The following NELL1 variants were observed in gnomAD, a reference collection of about 807,000 sequenced individuals.
The protein encoded by NELL1 is neural EGFL like 1.
In NELL1, 76 loss-of-function variants were observed where a neutral mutation model predicts 107.4. That is an observed-to-expected ratio of 0.71 (90% CI 0.59 to 0.86). NELL1 has a LOEUF of 0.86. NELL1 is among the 40% of genes least tolerant of loss of function. The probability of loss-of-function intolerance (pLI) is 0.00; values close to 1 mark genes in which losing one functional copy is unlikely to be tolerated. For synonymous variants in NELL1, 353 were observed against 341.2 expected (o/e 1.03, Z -0.38); for missense variants, 1,024 against 1,005.5 (o/e 1.02, Z -0.25).
chr11:21,320,328 A>G (rs1312757535), intron 14 of NELL1, among the ~76,000 whole-genome samples: 1 of 152,182 alleles, frequency 6.6e-6, no homozygotes, highest in Non-Finnish European at 1.5e-5. Context: ...TGCTCGAGAG[A>G]TCATGGGAAG....
At chr11:21,055,248 A>AT (rs1853585603) in intron 12 of NELL1, among the ~76,000 whole-genome samples, 1 of 152,048 alleles carries the variant, frequency 6.6e-6, no homozygotes, top group Non-Finnish European at 1.5e-5. Context: ...GGTTATACAT[A>AT]TTTTTAGCTC....
intron 13 of NELL1, among the ~76,000 whole-genome samples, chr11:21,221,856 A>T (rs1214354176): frequency 6.6e-6 from 1 of 151,118 alleles, no homozygotes; most frequent in East Asian, 2.0e-4. Flanking sequence ...CCATACCTGG[A>T]TAATTTTTGT....
intron 15 of NELL1, among the ~76,000 whole-genome samples, chr11:21,434,483 C>A (rs1016646179): frequency 6.6e-6 from 1 of 152,022 alleles, no homozygotes; most frequent in Non-Finnish European, 1.5e-5. Flanking sequence ...GTGTCTTTGT[C>A]TAAAATCAGA....
At chr11:21,267,334 C>T (rs1206863742) in intron 14 of NELL1, among the ~76,000 whole-genome samples, 2 of 152,016 alleles carry the variant, frequency 1.3e-5, no homozygotes, top group African/African-American at 4.8e-5. Flanking sequence ...ACTAGTAATA[C>T]ATTTTTATTT....
chr11:21,407,341 G>T (rs1381079051), intron 15 of NELL1, among the ~76,000 whole-genome samples: 1 of 152,026 alleles, frequency 6.6e-6, no homozygotes, highest in Non-Finnish European at 1.5e-5. Context: ...ACTTGAGCCT[G>T]GGAGGTTGAG....
At chr11:21,031,294 C>A (rs1590561240) in intron 12 of NELL1, among the ~76,000 whole-genome samples, 1 of 152,008 alleles carries the variant, frequency 6.6e-6, no homozygotes, top group African/African-American at 2.4e-5. Flanking sequence ...TGTTTAAATC[C>A]CTGACTGTTC....
chr11:21,126,257 G>A (rs1488450052), intron 13 of NELL1, among the ~76,000 whole-genome samples: 3 of 152,076 alleles, frequency 2.0e-5, no homozygotes, highest in African/African-American at 7.2e-5. Flanking sequence ...AAATGCGAAT[G>A]CAGACAAGAT....
At position 21,169,884 on chromosome 11, in the gene NELL1, T is replaced by A. The variant is rs1040777903; in HGVS notation, c.1426+56170T>A. ...GAAGAGTTGCCATGTCACCCAGCACTGGCAGATGTCCCCAGGTCGTCCACC... is the reference window on the plus strand; with the variant it reads ...GAAGAGTTGCCATGTCACCCAGCACAGGCAGATGTCCCCAGGTCGTCCACC... On this transcript the variant is annotated intron_variant, in intron 13 of 19. Coordinates refer to ENST00000357134, the MANE Select transcript of NELL1 (RefSeq NM_006157.5). The A allele has an allele frequency of 3.4e-5, 49 of 1,426,934 alleles. No individual in the cohort carries two copies. In the Middle Eastern group the frequency reaches 7.4e-4, roughly 22 times the overall value. 88.4% of individuals were successfully genotyped at this position (1,426,934 alleles called of 1,614,324 possible). A position where few individuals can be genotyped will look rare whatever the true frequency, so the allele number is the denominator to read the frequency against.
At chr11:21,455,888 T>A (rs1341140792) in intron 15 of NELL1, among the ~76,000 whole-genome samples, 1 of 108,420 alleles carries the variant, frequency 9.2e-6, no homozygotes, top group African/African-American at 3.4e-5. Flanking sequence ...TTTTTTTTTT[T>A]AAGTTTTGTT....
rs545824729 is a variant in NELL1 at position 20,899,235 on chromosome 11, G to T, written c.603+13695G>T. Among the ~76,000 whole-genome samples the T allele has an allele frequency of 5.3e-5, 8 of 151,990 alleles. 1 individual carries two copies. In the South Asian group the frequency reaches 6.2e-4, roughly 12 times the overall value. ...CTTTGTGAAAATTAACTACATAAAA[G>T]TCCATAAAAAGGAAATCTCCACAAA... On this transcript the variant is annotated intron_variant, in intron 5 of 19. Coordinates refer to ENST00000357134, the MANE Select transcript of NELL1 (RefSeq NM_006157.5).
intron 12 of NELL1, among the ~76,000 whole-genome samples, chr11:21,079,744 A>G (rs147190085): frequency 6.6e-6 from 1 of 152,232 alleles, no homozygotes; most frequent in East Asian, 1.9e-4. Context: ...AAATAAATTC[A>G]TATCTTTGCA....
intron 14 of NELL1, among the ~76,000 whole-genome samples, chr11:21,324,690 T>C (rs1224984032): frequency 6.6e-6 from 1 of 152,054 alleles, no homozygotes; most frequent in East Asian, 1.9e-4. Flanking sequence ...AATGGAAATA[T>C]TGAACTGGTA....
At chr11:20,671,459 C>T (rs545488075) in intron 1 of NELL1, among the ~76,000 whole-genome samples, 10 of 152,326 alleles carry the variant, frequency 6.6e-5, no homozygotes, top group Non-Finnish European at 1.3e-4. Flanking sequence ...CCTTTGTTCT[C>T]ATTACTCCTT....
At chr11:21,347,849 T>C (rs1397400976) in intron 14 of NELL1, among the ~76,000 whole-genome samples, 2 of 152,182 alleles carry the variant, frequency 1.3e-5, no homozygotes, top group Non-Finnish European at 2.9e-5. Context: ...CACCGGTGCC[T>C]TATATTGGCA....
intron 13 of NELL1, among the ~76,000 whole-genome samples, chr11:21,201,223 G>C (rs1181642582): frequency 2.0e-5 from 3 of 152,202 alleles, no homozygotes; most frequent in African/African-American, 7.2e-5. Flanking sequence ...ACTATGGGCA[G>C]TGTGGCCATT....
At chr11:20,937,703 A>C (rs1850755661) in intron 9 of NELL1, 83 bp from the exon 10 acceptor site, 7 of 913,716 alleles carry the variant, frequency 7.7e-6, no homozygotes, top group Non-Finnish European at 1.3e-5. Context: ...GTTTCTGTGG[A>C]ATCTATTGGA....
chr11:21,065,437 T>G (rs1853844806), intron 12 of NELL1, among the ~76,000 whole-genome samples: 2 of 152,210 alleles, frequency 1.3e-5, no homozygotes, highest in Non-Finnish European at 2.9e-5. Flanking sequence ...GGTCTGTTTA[T>G]GTCATTGTGG....
chr11:20,706,482 C>T (rs1432329039), intron 2 of NELL1, among the ~76,000 whole-genome samples: 4 of 136,296 alleles, frequency 2.9e-5, no homozygotes, highest in Non-Finnish European at 6.0e-5. Flanking sequence ...AACACATGGA[C>T]ACAGGAAGGG....
chr11:20,849,486 C>T (rs1234694677), intron 4 of NELL1, among the ~76,000 whole-genome samples: 2 of 152,178 alleles, frequency 1.3e-5, no homozygotes, highest in Non-Finnish European at 2.9e-5. Context: ...GAAACCATGA[C>T]CTCTCTACCA....
Sources: gnomAD v4.1 joint callset for allele counts (sites outside exome capture counted in the v4.1 genomes callset) on GRCh38, gnomAD v4.1.1 for gene constraint, MANE v1.5 for transcripts, NCBI Gene and HGNC (gene_info 2026-07-23, HGNC 2026-07-21) for gene names.